The following TAFA4 variants were observed in gnomAD, a reference collection of about 807,000 sequenced individuals.
TAFA4 encodes the protein chemokine-like protein TAFA-4.
Under a neutral mutation model 21.1 loss-of-function variants are expected in TAFA4, and 20 were observed. That is an observed-to-expected ratio of 0.95 (90% CI 0.67 to 1.38). The LOEUF is 1.38. Among genes scored for constraint, TAFA4 ranks in the 40% most tolerant of loss-of-function variants. The probability of loss-of-function intolerance (pLI) is 0.00; values close to 1 mark genes in which losing one functional copy is unlikely to be tolerated. For synonymous variants in TAFA4, 71 were observed against 67.4 expected (o/e 1.05, Z -0.26); for missense variants, 211 against 180.9 (o/e 1.17, Z -0.95).
At chr3:68,835,014 C>G (rs1027264317) in intron 3 of TAFA4, among the ~76,000 whole-genome samples, 8 of 152,136 alleles carry the variant, frequency 5.3e-5, no homozygotes, top group Admixed American at 3.9e-4. Context: ...TCACAATGGC[C>G]TACACATGCA....
intron 3 of TAFA4, among the ~76,000 whole-genome samples, chr3:68,811,116 C>G (rs898256628): frequency 3.9e-5 from 6 of 152,176 alleles, no homozygotes; most frequent in African/African-American, 1.2e-4. Flanking sequence ...AGGGTCCTGA[C>G]TGTTAGAAGG....
At chr3:68,921,197 C>G (rs190049344) in intron 1 of TAFA4, among the ~76,000 whole-genome samples, 2 of 152,230 alleles carry the variant, frequency 1.3e-5, no homozygotes, top group East Asian at 3.9e-4. Context: ...CACAAACCAG[C>G]TATGTAATTA....
intron 3 of TAFA4, among the ~76,000 whole-genome samples, chr3:68,843,941 G>A (rs191563944): frequency 7.9e-5 from 12 of 152,270 alleles, no homozygotes; most frequent in South Asian, 2.1e-4. Flanking sequence ...GAGGATTTTC[G>A]CATCGGTGTC....
At chr3:68,840,086 A>G (rs1704623363) in intron 3 of TAFA4, among the ~76,000 whole-genome samples, 1 of 152,162 alleles carries the variant, frequency 6.6e-6, no homozygotes. Context: ...CTCAGGCTAA[A>G]GTCACCAGAA....
chr3:68,866,321 T>C (rs1177214004), intron 3 of TAFA4, among the ~76,000 whole-genome samples: 1 of 151,998 alleles, frequency 6.6e-6, no homozygotes, highest in Non-Finnish European at 1.5e-5. Flanking sequence ...GGCAGAGCTC[T>C]GAACCTTAGT....
intron 3 of TAFA4, among the ~76,000 whole-genome samples, chr3:68,801,566 C>T (rs919402724): frequency 2.0e-5 from 3 of 152,156 alleles, no homozygotes; most frequent in Admixed American, 2.0e-4. Context: ...ATGAATGTCA[C>T]CCAGAAAGGC....
chr3:68,775,241 C>G (rs1013216824), intron 3 of TAFA4, among the ~76,000 whole-genome samples: 1 of 152,134 alleles, frequency 6.6e-6, no homozygotes, highest in Non-Finnish European at 1.5e-5. Context: ...CCACTGGGTG[C>G]TCATGAGAAA....
chr3:68,800,986 G>A (rs1000227727), intron 3 of TAFA4, among the ~76,000 whole-genome samples: 2 of 152,124 alleles, frequency 1.3e-5, no homozygotes, highest in Admixed American at 6.6e-5. Context: ...CCCTTTGACT[G>A]CTCCAAAGCT....
At chr3:68,916,909 C>T (rs1476159478) in intron 1 of TAFA4, among the ~76,000 whole-genome samples, 2 of 152,168 alleles carry the variant, frequency 1.3e-5, no homozygotes, top group Non-Finnish European at 2.9e-5. Flanking sequence ...AAAACTTCTA[C>T]ATATATCTCC....
intron 3 of TAFA4, among the ~76,000 whole-genome samples, chr3:68,805,220 C>A (rs559411481): frequency 6.6e-6 from 1 of 152,156 alleles, no homozygotes; most frequent in Non-Finnish European, 1.5e-5. Flanking sequence ...TCATCACTGG[C>A]CATCAGAGAA....
At chr3:68,787,574 C>T (rs902246) in intron 3 of TAFA4, among the ~76,000 whole-genome samples, 97,787 of 151,990 alleles carry the variant, frequency 0.64, 31,710 homozygotes, top group South Asian at 0.82. Context: ...ATCGGCATCA[C>T]GGGACTCGTC....
At chr3:68,885,536 A>G (rs2089663294) in intron 1 of TAFA4, among the ~76,000 whole-genome samples, 1 of 152,226 alleles carries the variant, frequency 6.6e-6, no homozygotes, top group South Asian at 2.1e-4. Context: ...TTAACACCAC[A>G]TAGTTGTAAA....
Position 68,885,184 on chromosome 3 carries a change from C to T in TAFA4, c.5G>A (p.Arg2Lys), listed in dbSNP as rs78056889. Residue 2 changes from arginine to lysine, a missense_variant, in exon 2 of 6, where the codon AGG becomes AAG. Physicochemically the swap from Arg to Lys is conservative, Grantham distance 26 (BLOSUM62 2). Coordinates refer to ENST00000295569, the MANE Select transcript of TAFA4 (RefSeq NM_182522.5). M[R>K]SPRMRVCAKS... ...GTTAAAATAATCTTACCTTGGGGAC[C>T]TCATAAGATGTGGTTCTAGTCAAAC... 940 of 1,612,590 alleles carry T rather than the reference C, an allele frequency of 5.8e-4. 8 individuals carry two copies. In the East Asian group the frequency reaches 0.019, roughly 33 times the overall value.
intron 3 of TAFA4, among the ~76,000 whole-genome samples, chr3:68,760,558 C>T (rs567598462): frequency 6.6e-6 from 1 of 152,284 alleles, no homozygotes; most frequent in Non-Finnish European, 1.5e-5. Context: ...AGAGAAGTCT[C>T]ACACTCCACT....
intron 5 of TAFA4, among the ~76,000 whole-genome samples, chr3:68,736,469 A>C (rs1211132916): frequency 6.6e-6 from 1 of 152,196 alleles, no homozygotes; most frequent in Non-Finnish European, 1.5e-5. Flanking sequence ...GTTAACTGCC[A>C]ACTATTTTCA....
chr3:68,931,292 T>G (rs72940814), intron 1 of TAFA4, among the ~76,000 whole-genome samples: 5,355 of 152,130 alleles, frequency 0.035, 322 homozygotes, highest in African/African-American at 0.12. Flanking sequence ...TGAATCTCGG[T>G]GACGGGGGAT....
intron 4 of TAFA4, among the ~76,000 whole-genome samples, chr3:68,743,677 C>A (rs187808775): frequency 8.5e-5 from 13 of 152,100 alleles, no homozygotes; most frequent in African/African-American, 3.1e-4. Flanking sequence ...TTTCAAAGCA[C>A]TTCTACTTAC....
chr3:68,826,389 C>A (rs959002572), intron 3 of TAFA4, among the ~76,000 whole-genome samples: 3 of 152,038 alleles, frequency 2.0e-5, no homozygotes, highest in Non-Finnish European at 4.4e-5. Context: ...CTGGCTAACA[C>A]GGTGAAATCT....
intron 3 of TAFA4, among the ~76,000 whole-genome samples, chr3:68,789,032 G>C (rs1703314446): frequency 6.6e-6 from 1 of 152,170 alleles, no homozygotes; most frequent in Non-Finnish European, 1.5e-5. Flanking sequence ...AGGAGACCAA[G>C]GCCATCCTGG....
Sources: allele counts gnomAD v4.1 joint callset (sites outside exome capture counted in the v4.1 genomes callset), GRCh38; gene constraint gnomAD v4.1.1; transcripts MANE v1.5; gene names NCBI Gene and HGNC (gene_info 2026-07-23, HGNC 2026-07-21).